PCDH15: variants seen among roughly 807,000 people sequenced by gnomAD.
The protein encoded by PCDH15 is protocadherin related 15, also known as protocadherin-15.
A neutral mutation model predicts 178.5 loss-of-function variants in PCDH15; 129 were observed. That is an observed-to-expected ratio of 0.72 (90% CI 0.63 to 0.84). The LOEUF is 0.84. Ranked by LOEUF, PCDH15 falls within the 40% of genes least tolerant of loss-of-function variation. The probability of loss-of-function intolerance (pLI) is 0.00; values close to 1 mark genes in which losing one functional copy is unlikely to be tolerated. For synonymous variants in PCDH15, 800 were observed against 732.0 expected (o/e 1.09, Z -1.50); for missense variants, 2,230 against 2,099.9 (o/e 1.06, Z -1.21).
chr10:55,163,111 C>T (rs1311294856), intron 2 of PCDH15, among the ~76,000 whole-genome samples: 1 of 152,178 alleles, frequency 6.6e-6, no homozygotes. Flanking sequence ...CAGCAATTTT[C>T]CTAGCCCTCT....
chr10:54,665,170 G>A (rs896327281), intron 1 of PCDH15, among the ~76,000 whole-genome samples: 1 of 151,896 alleles, frequency 6.6e-6, no homozygotes, highest in Middle Eastern at 3.4e-3. Flanking sequence ...TTAGCCAAAG[G>A]GGACAATAGT....
chr10:54,630,317 A>C (rs2093666060), intron 2 of PCDH15, among the ~76,000 whole-genome samples: 1 of 152,082 alleles, frequency 6.6e-6, no homozygotes, highest in Non-Finnish European at 1.5e-5. Context: ...AAAAACAAAC[A>C]CATAGAACAA....
At chr10:55,490,244 G>T (rs145746030) in intron 2 of PCDH15, among the ~76,000 whole-genome samples, 1 of 151,710 alleles carries the variant, frequency 6.6e-6, no homozygotes, top group Non-Finnish European at 1.5e-5. Flanking sequence ...AGGAGGCAGA[G>T]ATCAGAGTTG....
intron 2 of PCDH15, among the ~76,000 whole-genome samples, chr10:54,596,893 C>T (rs1247174816): frequency 6.6e-6 from 1 of 151,856 alleles, no homozygotes; most frequent in Non-Finnish European, 1.5e-5. Flanking sequence ...TCAACAAGAC[C>T]TAACTAGCCT....
chr10:53,829,368 G>A (rs1454171203), intron 30 of PCDH15, among the ~76,000 whole-genome samples: 2 of 152,124 alleles, frequency 1.3e-5, no homozygotes, highest in South Asian at 4.1e-4. Flanking sequence ...AGACTACCTT[G>A]TATAACATCC....
At chr10:54,485,326 C>T (rs901151108) in intron 3 of PCDH15, among the ~76,000 whole-genome samples, 23 of 151,800 alleles carry the variant, frequency 1.5e-4, no homozygotes, top group Middle Eastern at 3.2e-3. Flanking sequence ...TTCCAAAATA[C>T]GTCATATGGG....
chr10:54,544,836 A>G (rs2085668883), intron 2 of PCDH15, among the ~76,000 whole-genome samples: 1 of 152,296 alleles, frequency 6.6e-6, no homozygotes, highest in East Asian at 1.9e-4. Flanking sequence ...ATTTTATTAT[A>G]TCTCTCCTCA....
chr10:54,521,538 G>A (rs999121832), intron 3 of PCDH15, among the ~76,000 whole-genome samples: 4 of 152,066 alleles, frequency 2.6e-5, no homozygotes, highest in African/African-American at 2.4e-5. Context: ...TGCTACTATT[G>A]AATCTTCCCT....
At chr10:54,838,275 G>A (rs1168654997) in intron 3 of PCDH15, among the ~76,000 whole-genome samples, 1 of 152,096 alleles carries the variant, frequency 6.6e-6, no homozygotes, top group Non-Finnish European at 1.5e-5. Context: ...GGAGAGACTA[G>A]ATGGAGATAA....
intron 26 of PCDH15, among the ~76,000 whole-genome samples, chr10:53,889,690 T>C (rs2081418137): frequency 6.6e-6 from 1 of 152,190 alleles, no homozygotes; most frequent in African/African-American, 2.4e-5. Flanking sequence ...CTAGAATTTC[T>C]ACTCCTAAGT....
chr10:54,389,101 C>T (rs192358102), intron 3 of PCDH15, among the ~76,000 whole-genome samples: 1 of 152,046 alleles, frequency 6.6e-6, no homozygotes, highest in African/African-American at 2.4e-5. Flanking sequence ...CCAGGAAGCC[C>T]ATTCTGTTAC....
intron 2 of PCDH15, among the ~76,000 whole-genome samples, chr10:55,141,974 T>G (rs1838364473): frequency 6.6e-6 from 1 of 152,142 alleles, no homozygotes; most frequent in Non-Finnish European, 1.5e-5. Flanking sequence ...ATTCTGAGAC[T>G]TTATTGAATT....
chr10:53,992,180 G>T (rs539692327), intron 21 of PCDH15, among the ~76,000 whole-genome samples: 2 of 152,244 alleles, frequency 1.3e-5, no homozygotes, highest in Non-Finnish European at 2.9e-5. Context: ...CTTAAGAGCT[G>T]TAACACTCAC....
intron 2 of PCDH15, among the ~76,000 whole-genome samples, chr10:55,400,016 T>C (rs983814339): frequency 6.6e-6 from 1 of 152,152 alleles, no homozygotes; most frequent in African/African-American, 2.4e-5. Context: ...CCCAGGTGGT[T>C]ATTCAATATT....
chr10:53,886,780 C>G (rs560719082), intron 26 of PCDH15, among the ~76,000 whole-genome samples: 18 of 152,198 alleles, frequency 1.2e-4, no homozygotes, highest in South Asian at 6.2e-4. Context: ...ATGTTCAGAG[C>G]TCACTGCCTT....
At chr10:54,150,769 T>A (rs1590806051) in intron 14 of PCDH15, among the ~76,000 whole-genome samples, 2 of 152,136 alleles carry the variant, frequency 1.3e-5, no homozygotes, top group East Asian at 1.9e-4. Flanking sequence ...ATTTCTTGTG[T>A]TTTTATTTGT....
intron 6 of PCDH15, among the ~76,000 whole-genome samples, chr10:54,330,120 T>C (rs539451396): frequency 6.6e-6 from 1 of 152,026 alleles, no homozygotes; most frequent in African/African-American, 2.4e-5. Context: ...TCAACATTGA[T>C]ATCCATTCTG....
intron 3 of PCDH15, among the ~76,000 whole-genome samples, chr10:54,381,855 C>T (rs1232155806): frequency 6.6e-6 from 1 of 151,880 alleles, no homozygotes; most frequent in Non-Finnish European, 1.5e-5. Flanking sequence ...GAGAGCTGGC[C>T]CTGGAATGGA....
At chr10:54,604,752 A>T (rs941644130) in intron 2 of PCDH15, among the ~76,000 whole-genome samples, 60 of 151,686 alleles carry the variant, frequency 4.0e-4, no homozygotes, top group South Asian at 1.5e-3. Context: ...GTAACTATTG[A>T]TAGGGAAGGA....
Sources: gnomAD v4.1 joint callset for allele counts (sites outside exome capture counted in the v4.1 genomes callset) on GRCh38, gnomAD v4.1.1 for gene constraint, MANE v1.5 for transcripts, NCBI Gene and HGNC (gene_info 2026-07-23, HGNC 2026-07-21) for gene names.